Variants in INPPL1 observed in about 807,000 individuals in gnomAD.
The protein encoded by INPPL1 is inositol polyphosphate phosphatase like 1, also known as phosphatidylinositol 3,4,5-trisphosphate 5-phosphatase 2.
INPPL1 carries 91 observed loss-of-function variants against 139.3 expected under a neutral mutation model. The observed-to-expected ratio is 0.65, with a 90% CI of 0.55 to 0.78. INPPL1 has a LOEUF of 0.78. INPPL1 is among the 30% of genes least tolerant of loss of function. INPPL1 has a pLI of 0.00. For missense variants in INPPL1, 1,411 were observed against 1,665.6 expected (o/e 0.85, Z 2.66); for synonymous variants, 719 against 686.6 (o/e 1.05, Z -0.74).
chr11:72,234,621 G>C lies in INPPL1; in HGVS notation c.2415+6G>C. 6.2e-7 allele frequency: 1 copy of C among 1,605,188 alleles called. No homozygotes were observed. Among genetic ancestry groups the C allele is most frequent in the Non-Finnish European group, 8.5e-7 (1 of 1,172,094 alleles). On this transcript the variant is annotated splice_donor_region_variant and intron_variant, in intron 21 of 27. Coordinates refer to ENST00000298229, the MANE Select transcript of INPPL1 (RefSeq NM_001567.4). This position sits in a 1 kb window ranked among gnomAD's most constrained non-coding sequence, Gnocchi z 4.2. ...CTTCACGCCAGCTGCCCACGGTGAG[G>C]CTGTGGGCAGGGCCCCTGCTTATGG...
In INPPL1 at chr11:72,237,482, C is replaced by A; in HGVS notation, c.3238C>A (p.Arg1080Ser). The change falls in exon 26 of 28, where the codon CGT (arginine) becomes AGT (serine). Residue 1080 changes from arginine (R) to serine (S), a missense_variant. By Grantham distance (110) the Arg-to-Ser change is moderately radical. Transcript: ENST00000298229. ...DPLPGPVVRG[R>S]GGAEARGPPP... ...TTTACCAGGGCCAGTGGTCCGGGGC[C>A]GTGGTGGGGCTGAGGCCCGTGGCCC... 1 of 1,609,890 alleles carries A rather than the reference C, an allele frequency of 6.2e-7. No individual in the cohort carries two copies. The highest frequency in any genetic ancestry group is 8.5e-7 in the Non-Finnish European group (1 of 1,177,540).
In INPPL1 at chr11:72,238,399, A is replaced by G. The variant is rs919829323; in HGVS notation, c.*46A>G. On this transcript the variant is annotated 3_prime_UTR_variant, in exon 28 of 28. Transcript: ENST00000298229. Reference sequence around the variant, plus strand: ...TGTGAACTCAGAGCCCCTCCCTGCTACCAAGGCCCAGCTATGGCCCCAGGG... The same window carrying G: ...TGTGAACTCAGAGCCCCTCCCTGCTGCCAAGGCCCAGCTATGGCCCCAGGG... The G allele has an allele frequency of 6.8e-7, 1 of 1,474,816 alleles. No homozygotes were observed. The highest frequency in any genetic ancestry group is 9.1e-7 in the Non-Finnish European group (1 of 1,103,824). 91.4% of individuals were successfully genotyped at this position (1,474,816 alleles called of 1,614,324 possible).
rs1386012314 is a variant in INPPL1 at position 72,225,101 on chromosome 11, C to G, written c.117C>G (p.Gly39=). ...AAAEELLARA[G]RDGSFLVRDS... Reference sequence around the variant, plus strand: ...CGGAGGAGCTGCTGGCCCGGGCGGGCCGCGATGGCAGCTTCCTGGTCCGAG... The same window carrying G: ...CGGAGGAGCTGCTGGCCCGGGCGGGGCGCGATGGCAGCTTCCTGGTCCGAG... The change falls in exon 1 of 28, where the codon GGC becomes GGG. Residue 39 remains glycine (G), a synonymous_variant. Transcript: ENST00000298229. The G allele has an allele frequency of 1.6e-6, 2 of 1,231,822 alleles. No individual in the cohort carries two copies. Among genetic ancestry groups the G allele is most frequent in the African/African-American group, 1.6e-5 (1 of 64,414 alleles). The allele number at this position is 1,231,822 out of a possible 1,614,324, so 76.3% of individuals were successfully genotyped here. A position where few individuals can be genotyped will look rare whatever the true frequency, so the allele number is the denominator to read the frequency against.
chr11:72,223,823 T>G (rs1265160535), upstream of INPPL1: 3 of 149,382 alleles, frequency 2.0e-5, no homozygotes, highest in East Asian at 6.0e-4. Flanking sequence ...GGCGCGGTGC[T>G]GCCCCCGGCT....
Position 72,232,755 on chromosome 11 carries a change from G to A in INPPL1, c.1842G>A (p.Met614Ile). Residue 614 changes from methionine (M) to isoleucine (I), a missense_variant, in exon 15 of 28, where the codon ATG (methionine) becomes ATA (isoleucine). This residue lies in a region of INPPL1 where 363 missense variants were observed against 446.2 expected (regional missense o/e 0.81). Coordinates refer to ENST00000298229, the MANE Select transcript of INPPL1 (RefSeq NM_001567.4). ...GGGACCTCAACTACCGCCTGGACAT[G>A]GATATCCAGGTGCGAGCAGGGCCCT... is the stretch of plus-strand genomic sequence containing the variant. The part of the protein sequence containing the change: ...WFGDLNYRLD[M>I]DIQEILNYIS... 2 of 1,613,998 alleles carry A rather than the reference G, an allele frequency of 1.2e-6. No individual in the cohort carries two copies. The highest frequency in any genetic ancestry group is 1.7e-6 in the Non-Finnish European group (2 of 1,180,000).
rs766018491 is a variant in INPPL1 at position 72,235,882 on chromosome 11, C to T, written c.2775C>T (p.Ser925=). The T allele has an allele frequency of 3.1e-6, 5 of 1,613,250 alleles. No individual in the cohort carries two copies. Among genetic ancestry groups the T allele is most frequent in the Non-Finnish European group, 3.4e-6 (4 of 1,179,836 alleles). The change falls in exon 25 of 28, where the codon TCC becomes TCT. Residue 925 remains serine, a synonymous_variant. Transcript: ENST00000298229. This position sits in a 1 kb window ranked among gnomAD's most constrained non-coding sequence, Gnocchi z 4.9. ...GCAAGCCAGCCTTCACAGAGGCCTC[C>T]TGCCCGCTCTCCAGGTTATTTGAAG... ...GSRKPAFTEA[S]CPLSRLFEEP...
rs1305557023 is a variant in INPPL1, at chr11:72,230,990, C to CA, written c.1301-2dup. 4 of 1,612,768 alleles carry CA rather than the reference C, an allele frequency of 2.5e-6. No homozygotes were observed. Among genetic ancestry groups the CA allele is most frequent in the Non-Finnish European group, 3.4e-6 (4 of 1,179,266 alleles). ...AGACCCACCTCACCCCCTTCACCTC[C>CA]AGGAAGTGTACCACCTCCAAAAAAC... is the stretch of plus-strand genomic sequence containing the variant. On this transcript the variant is annotated splice_polypyrimidine_tract_variant and splice_region_variant and intron_variant, in intron 11 of 27. Transcript: ENST00000298229.
In INPPL1 at chr11:72,229,496, A is replaced by T. The variant is rs761235393; in HGVS notation, c.691A>T (p.Ile231Phe). ...EVDKVLSGLE[I>F]LSKVFDQQSS... ...GGACAAGGTCCTGTCAGGCCTGGAG[A>T]TCCTGTCCAAGGTGTTTGACCAGCA... is the stretch of plus-strand genomic sequence containing the variant. Residue 231 changes from isoleucine (I) to phenylalanine (F), a missense_variant, in exon 6 of 28, where the codon ATC becomes TTC. By Grantham distance (21) the Ile-to-Phe change is conservative. Transcript: ENST00000298229. 1 of 1,613,954 alleles carries T rather than the reference A, an allele frequency of 6.2e-7. No homozygotes were observed. Among genetic ancestry groups the T allele is most frequent in the African/African-American group, 1.3e-5 (1 of 74,846 alleles).
rs769535843 is a variant in INPPL1, at chr11:72,237,705, C to G, written c.3461C>G (p.Pro1154Arg). 8 of 1,611,474 alleles carry G rather than the reference C, an allele frequency of 5.0e-6. No individual in the cohort carries two copies. The African/African-American group carries it at 8.0e-5, about 16-fold the overall frequency. The change falls in exon 26 of 28, where the codon CCC becomes CGC. Residue 1154 changes from proline to arginine, a missense_variant. Around this residue, in one of 5 missense-constraint regions of INPPL1, gnomAD observed 438 missense variants for 425.7 expected, o/e 1.03. Transcript: ENST00000298229. ...ALLPGPLELQ[P>R]PRGLPSDYGR... ...CTCCCAGGCCCCCTGGAGCTGCAGC[C>G]CCCCCGGGGACTGCCCTCGGACTAT...
At chr11:72,237,891 C>A in intron 26 of INPPL1, 95 bp downstream of exon 26, 1 of 1,473,054 alleles carries the variant, frequency 6.8e-7, no homozygotes, top group Non-Finnish European at 9.1e-7. Flanking sequence ...CATGGTGTCC[C>A]TGCTACCCTG....
At position 72,238,446 on chromosome 11, in the gene INPPL1, G is replaced by A; in HGVS notation, c.*93G>A. ...AGGGTTGAAAAGTTATGAGGGTCAG[G>A]GCAGTATCTCTCTGCCTATTTATTG... On this transcript the variant is annotated 3_prime_UTR_variant, in exon 28 of 28. Transcript: ENST00000298229. 9.6e-7 allele frequency: 1 copy of A among 1,042,688 alleles called. No homozygotes were observed. The highest frequency in any genetic ancestry group is 1.4e-6 in the Non-Finnish European group (1 of 739,676). The allele number at this position is 1,042,688 out of a possible 1,614,324, so 64.6% of individuals were successfully genotyped here.
At position 72,228,190 on chromosome 11, in the gene INPPL1, G is replaced by T. The variant is rs1362480286; in HGVS notation, c.183G>T (p.Leu61=). 1 of 1,614,092 alleles carries T rather than the reference G, an allele frequency of 6.2e-7. No homozygotes were observed. Among genetic ancestry groups the T allele is most frequent in the African/African-American group, 1.3e-5 (1 of 75,034 alleles). ...SVAGAFALCV[L]YQKHVHTYRI... is the part of the protein sequence containing the mutation. ...GATTCTGGCCCTGCCTTGGCATCAG[G>T]TATCAGAAGCATGTGCACACGTATC... The change falls in exon 2 of 28, where the codon CTG becomes CTT. Residue 61 remains leucine (L), a splice_region_variant and synonymous_variant. Coordinates refer to ENST00000298229, the MANE Select transcript of INPPL1 (RefSeq NM_001567.4). The surrounding 1 kb of genome is among the most constrained non-coding windows in gnomAD (Gnocchi z 5.0).
In INPPL1 at chr11:72,230,869, T is replaced by C; in HGVS notation, c.1271T>C (p.Ile424Thr). The change falls in exon 11 of 28, where the codon ATC (isoleucine) becomes ACC (threonine). Residue 424 changes from isoleucine to threonine, a missense_variant. Around this residue, in one of 5 missense-constraint regions of INPPL1, gnomAD observed 504 missense variants for 595.6 expected, o/e 0.85. Coordinates refer to ENST00000298229, the MANE Select transcript of INPPL1 (RefSeq NM_001567.4). The part of the protein sequence containing the change: ...KHSKQDEPDM[I>T]SVFIGTWNMG... ...TCCAAGCAGGACGAGCCCGACATGA[T>C]CTCAGTCTTCATAGGCACCTGGAAC... The C allele has an allele frequency of 6.2e-7, 1 of 1,613,918 alleles. No homozygotes were observed. The highest frequency in any genetic ancestry group is 8.5e-7 in the Non-Finnish European group (1 of 1,179,978).
intron 10 of INPPL1, 48 bp from the exon 11 acceptor site, chr11:72,230,748 G>A (rs1255367041): frequency 2.0e-6 from 3 of 1,524,254 alleles, no homozygotes; most frequent in Non-Finnish European, 2.7e-6. Context: ...TGTGGACGGG[G>A]GGCTTCCTGG....
At position 72,231,593 on chromosome 11, in the gene INPPL1, G is replaced by A. The variant is rs771746554; in HGVS notation, c.1593G>A (p.Lys531=). 1 of 1,613,336 alleles carries A rather than the reference G, an allele frequency of 6.2e-7. No individual in the cohort carries two copies. The highest frequency in any genetic ancestry group is 2.2e-5 in the East Asian group (1 of 44,890). The change falls in exon 13 of 28, where the codon AAG becomes AAA. Residue 531 remains lysine, a synonymous_variant. Coordinates refer to ENST00000298229, the MANE Select transcript of INPPL1 (RefSeq NM_001567.4). ...RISHVSTSSV[K]TGIANTLGNK... ...GCCATGTCAGTACGTCCAGTGTGAA[G>A]ACTGGCATCGCCAACACCCTGGGTA...
At chr11:72,224,339 T>G, upstream of INPPL1, among the ~76,000 whole-genome samples, 5 of 141,876 alleles carry the variant, frequency 3.5e-5, no homozygotes, top group South Asian at 2.5e-4. Flanking sequence ...AGAGGATGGG[T>G]AGGGGGTGGT....
In INPPL1 at chr11:72,231,003, A is replaced by G. The variant is rs1390392312; in HGVS notation, c.1311A>G (p.Pro437=). The change falls in exon 12 of 28, where the codon CCA becomes CCG. Residue 437 remains proline, a synonymous_variant. Coordinates refer to ENST00000298229, the MANE Select transcript of INPPL1 (RefSeq NM_001567.4). The part of the protein sequence containing the change: ...FIGTWNMGSV[P]PPKNVTSWFT... ...CCCCTTCACCTCCAGGAAGTGTACC[A>G]CCTCCAAAAAACGTGACATCCTGGT... 1 of 1,613,118 alleles carries G rather than the reference A, an allele frequency of 6.2e-7. No individual in the cohort carries two copies. The highest frequency in any genetic ancestry group is 1.3e-5 in the African/African-American group (1 of 74,792).
chr11:72,228,946 A>AC lies in INPPL1; in HGVS notation c.518+104dup, dbSNP rs1208656390. The AC allele has an allele frequency of 6.6e-7, 1 of 1,516,304 alleles. No individual in the cohort carries two copies. The allele number at this position is 1,516,304 out of a possible 1,614,324, so 93.9% of individuals were successfully genotyped here. A position where few individuals can be genotyped will look rare whatever the true frequency, so the allele number is the denominator to read the frequency against. On this transcript the variant is annotated intron_variant, in intron 4 of 27. Transcript: ENST00000298229. This position sits in a 1 kb window ranked among gnomAD's most constrained non-coding sequence, Gnocchi z 5.0. Reference sequence around the variant, plus strand: ...GAGGCCTTCTAAGACCCCACCAGGGACCCCCACCCCACCTCAGCCCAGAGG... The same window carrying AC: ...GAGGCCTTCTAAGACCCCACCAGGGACCCCCCACCCCACCTCAGCCCAGAGG...
In INPPL1 at chr11:72,224,898, G is replaced by A. The variant is rs959896666; in HGVS notation, c.-87G>A. 7 of 945,230 alleles carry A rather than the reference G, an allele frequency of 7.4e-6. No individual in the cohort carries two copies. In the African/African-American group the frequency reaches 1.1e-4, roughly 14 times the overall value. The allele number at this position is 945,230 out of a possible 1,614,324, so 58.6% of individuals were successfully genotyped here. A position where few individuals can be genotyped will look rare whatever the true frequency, so the allele number is the denominator to read the frequency against. ...CCACGGATCCTCAAGCCCGGGCCCCGGGCCCGGCCCCAGCCTCAGCCCTGA... is the reference window on the plus strand; with the variant it reads ...CCACGGATCCTCAAGCCCGGGCCCCAGGCCCGGCCCCAGCCTCAGCCCTGA... On this transcript the variant is annotated 5_prime_UTR_variant, in exon 1 of 28. Coordinates refer to ENST00000298229, the MANE Select transcript of INPPL1 (RefSeq NM_001567.4).
Sources: allele counts gnomAD v4.1 joint callset (sites outside exome capture counted in the v4.1 genomes callset), GRCh38; gene constraint gnomAD v4.1.1; regional missense constraint gnomAD v4.1.1; non-coding constraint Gnocchi (gnomAD v3.1); transcripts MANE v1.5; gene names NCBI Gene and HGNC (gene_info 2026-07-23, HGNC 2026-07-21).